The following P2RX7 variants were observed in gnomAD, a reference collection of about 807,000 sequenced individuals.
The protein encoded by P2RX7 is purinergic receptor P2X 7, also known as P2X purinoceptor 7.
Under a neutral mutation model 71.6 loss-of-function variants are expected in P2RX7, and 62 were observed. The observed-to-expected ratio is 0.87, with a 90% CI of 0.71 to 1.07. P2RX7 has a LOEUF of 1.07. Among genes scored for constraint, P2RX7 ranks in the 50% least tolerant of loss-of-function variants. The pLI is 0.00. For synonymous variants in P2RX7, 299 were observed against 283.3 expected, an observed-to-expected ratio of 1.06 and a Z score of -0.56; for missense variants, 686 against 748.5, an observed-to-expected ratio of 0.92 and a Z score of 0.97.
At chr12:121,145,178 G>A (rs1875866437) in intron 1 of P2RX7, among the ~76,000 whole-genome samples, 1 of 152,184 alleles carries the variant, frequency 6.6e-6, no homozygotes, top group Non-Finnish European at 1.5e-5. Context: ...AACCTTTAAG[G>A]CGTGGGAGCG....
At chr12:121,167,061 A>G (rs531433758) in intron 7 of P2RX7, among the ~76,000 whole-genome samples, 1 of 152,088 alleles carries the variant, frequency 6.6e-6, no homozygotes, top group South Asian at 2.1e-4. Flanking sequence ...TCAAAAAAAA[A>G]AAAAAAAATC....
rs563045817 is a variant in P2RX7, at chr12:121,165,307, C to T, written c.534-50C>T. 1.3e-5 allele frequency: 19 copies of T among 1,461,508 alleles called. No individual in the cohort carries two copies. The African/African-American group carries it at 2.5e-4, about 19-fold the overall frequency. The allele number at this position is 1,461,508 out of a possible 1,614,324, so 90.5% of individuals were successfully genotyped here. A position where few individuals can be genotyped will look rare whatever the true frequency, so the allele number is the denominator to read the frequency against. ...CTCTGGTCCCACTGGCCCATGGGCTCCCTCGGTTCCCCCCGTCACTAATGG... is the reference window on the plus strand; with the variant it reads ...CTCTGGTCCCACTGGCCCATGGGCTTCCTCGGTTCCCCCCGTCACTAATGG... On this transcript the variant is annotated intron_variant, in intron 5 of 12. Transcript: ENST00000328963.
At position 121,186,065 on chromosome 12, in the gene P2RX7, A is replaced by G; in HGVS notation, c.*1263A>G. 1 of 153,180 alleles carries G rather than the reference A, an allele frequency of 6.5e-6. No homozygotes were observed. Among genetic ancestry groups the G allele is most frequent in the African/African-American group, 2.4e-5 (1 of 41,420 alleles). The allele number at this position is 153,180 out of a possible 1,614,324, so 9.5% of individuals were successfully genotyped here. A position where few individuals can be genotyped will look rare whatever the true frequency, so the allele number is the denominator to read the frequency against. Reference sequence around the variant, plus strand: ...CGAGACTCCATCTCAAAAAAAAAAAAAAGAAAAAAAAAATGTCTGCCTATC... The same window carrying G: ...CGAGACTCCATCTCAAAAAAAAAAAGAAGAAAAAAAAAATGTCTGCCTATC... On this transcript the variant is annotated 3_prime_UTR_variant, in exon 13 of 13. Coordinates refer to ENST00000328963, the MANE Select transcript of P2RX7 (RefSeq NM_002562.6).
At chr12:121,155,866 A>G (rs1207430026) in intron 2 of P2RX7, among the ~76,000 whole-genome samples, 22 of 152,156 alleles carry the variant, frequency 1.4e-4, no homozygotes, top group Admixed American at 1.3e-3. Context: ...TGACTCTTCA[A>G]CCCATTCAAA....
intron 5 of P2RX7, among the ~76,000 whole-genome samples, chr12:121,162,813 C>G (rs1880023075): frequency 6.6e-6 from 1 of 152,052 alleles, no homozygotes; most frequent in Admixed American, 6.6e-5. Context: ...CCAGGGTACC[C>G]CCAGACCCCC....
intron 4 of P2RX7, 176 bp from the exon 5 acceptor site, chr12:121,162,248 T>C: frequency 7.1e-7 from 1 of 1,409,148 alleles, no homozygotes; most frequent in Non-Finnish European, 9.2e-7. Flanking sequence ...TTGTTTGCCT[T>C]GCCTTGTGTT....
chr12:121,136,024 A>AAAAAAAAATATATATG (rs1555222075), intron 1 of P2RX7, among the ~76,000 whole-genome samples: 5 of 11,666 alleles, frequency 4.3e-4, no homozygotes, highest in African/African-American at 5.3e-4. Context: ...AAAAAAAAAA[A>AAAAAAAAATATATATG]TATATATATA....
In P2RX7 at chr12:121,167,597, T is replaced by C; in HGVS notation, c.854T>C (p.Val285Ala). ...CGCCTTGACGACAAGACCACCAACG[T>C]GTCCTTGTACCCTGGCTACAACTTC... Reference protein sequence around the residue: ...FRRLDDKTTNVSLYPGYNFRY... With the variant: ...FRRLDDKTTNASLYPGYNFRY... The change falls in exon 8 of 13, where the codon GTG (valine) becomes GCG (alanine). Residue 285 changes from valine to alanine, a missense_variant. By Grantham distance (64) the Val-to-Ala change is moderately conservative. Transcript: ENST00000328963. 6.2e-7 allele frequency: 1 copy of C among 1,607,572 alleles called. No homozygotes were observed. Among genetic ancestry groups the C allele is most frequent in the Non-Finnish European group, 8.5e-7 (1 of 1,176,630 alleles).
chr12:121,171,948 G>T (rs1276483573), intron 8 of P2RX7, among the ~76,000 whole-genome samples: 1 of 148,310 alleles, frequency 6.7e-6, no homozygotes, highest in African/African-American at 2.5e-5. Flanking sequence ...TGCAAGCTCC[G>T]CCTCCCGGGT....
rs200942168 is a variant in P2RX7 at position 121,154,937 on chromosome 12, A to G, written c.278A>G (p.Tyr93Cys). The change falls in exon 2 of 13, where the codon TAC becomes TGC. Residue 93 changes from tyrosine (Y) to cysteine (C), a missense_variant. Tyr to Cys is a radical substitution (Grantham distance 194). Coordinates refer to ENST00000328963, the MANE Select transcript of P2RX7 (RefSeq NM_002562.6). The surrounding 1 kb of genome is among the most constrained non-coding windows in gnomAD (Gnocchi z 4.2). ...CACAGTGTCTTTGACACCGCAGACT[A>G]CACCTTCCCTTTGCAGGTGAGCACC... ...LVHSVFDTAD[Y>C]TFPLQGNSFF... is the part of the protein sequence containing the mutation. 6.2e-7 allele frequency: 1 copy of G among 1,614,092 alleles called. No individual in the cohort carries two copies. The highest frequency in any genetic ancestry group is 1.7e-5 in the Admixed American group (1 of 60,018).
At chr12:121,143,844 C>T (rs1875550474) in intron 1 of P2RX7, among the ~76,000 whole-genome samples, 1 of 152,080 alleles carries the variant, frequency 6.6e-6, no homozygotes, top group Non-Finnish European at 1.5e-5. Flanking sequence ...GAGTGAGACT[C>T]CGTCTCAAAA....
chr12:121,178,791 C>CAAAAAAAA (rs386377968), intron 11 of P2RX7, among the ~76,000 whole-genome samples: 1 of 66,518 alleles, frequency 1.5e-5, no homozygotes, highest in African/African-American at 6.0e-5. Context: ...AACTCTGTCT[C>CAAAAAAAA]AAAAAAAAAA....
chr12:121,156,573 T>C (rs1878621578), intron 3 of P2RX7, among the ~76,000 whole-genome samples: 1 of 152,156 alleles, frequency 6.6e-6, no homozygotes, highest in African/African-American at 2.4e-5. Context: ...TCCCCCAGGG[T>C]CACACAGCTT....
intron 8 of P2RX7, among the ~76,000 whole-genome samples, chr12:121,170,260 G>T (rs1357460180): frequency 1.3e-5 from 2 of 152,142 alleles, no homozygotes; most frequent in African/African-American, 2.4e-5. Flanking sequence ...CCCTTCCAGG[G>T]TGTTTTTTTA....
intron 1 of P2RX7, among the ~76,000 whole-genome samples, chr12:121,140,094 G>A (rs1002075681): frequency 2.0e-5 from 3 of 152,172 alleles, no homozygotes; most frequent in Non-Finnish European, 2.9e-5. Flanking sequence ...TCCCACCCTT[G>A]ACACCTGGGT....
intron 3 of P2RX7, 112 bp downstream of exon 3, chr12:121,156,259 T>A: frequency 1.2e-6 from 1 of 806,530 alleles, no homozygotes; most frequent in Non-Finnish European, 2.1e-6. Context: ...CACAGATATC[T>A]ACTGAGCACC....
At position 121,162,294 on chromosome 12, in the gene P2RX7, C is replaced by G. The variant is rs112541259; in HGVS notation, c.437-130C>G. 7.3e-4 allele frequency: 1,061 copies of G among 1,454,626 alleles called. 7 individuals are homozygous for G. The African/African-American group carries it at 0.011, about 15-fold the overall frequency. 90.1% of individuals were successfully genotyped at this position (1,454,626 alleles called of 1,614,324 possible). On this transcript the variant is annotated intron_variant, in intron 4 of 12. Coordinates refer to ENST00000328963, the MANE Select transcript of P2RX7 (RefSeq NM_002562.6). ...AGGATGGGCTTGATGGAAGCTGAAG[C>G]TGCGTGGGTTGGAAAGCCTGGTCAA...
At chr12:121,182,588 A>C (rs2136169881) in intron 12 of P2RX7, among the ~76,000 whole-genome samples, 1 of 152,344 alleles carries the variant, frequency 6.6e-6, no homozygotes, top group South Asian at 2.1e-4. Flanking sequence ...GAAAAGGTAC[A>C]GTGAAAATAT....
At chr12:121,167,443 C>G in intron 7 of P2RX7, 45 bp from the exon 8 acceptor site, 1 of 1,605,514 alleles carries the variant, frequency 6.2e-7, no homozygotes. Flanking sequence ...GGTTGCGTAA[C>G]TCACACCCAG....
Sources: allele counts gnomAD v4.1 joint callset (sites outside exome capture counted in the v4.1 genomes callset), GRCh38; gene constraint gnomAD v4.1.1; non-coding constraint Gnocchi (gnomAD v3.1); transcripts MANE v1.5; gene names NCBI Gene and HGNC (gene_info 2026-07-23, HGNC 2026-07-21).